Variants in RPS6KC1 observed in about 807,000 individuals in gnomAD.
RPS6KC1 encodes the protein inactive ribosomal protein S6 kinase delta-1.
Under a neutral mutation model 103.8 loss-of-function variants are expected in RPS6KC1, and 54 were observed. That is an observed-to-expected ratio of 0.52 (90% confidence interval 0.42 to 0.65). The LOEUF (loss-of-function observed/expected upper bound fraction) is 0.65. Ranked by LOEUF, RPS6KC1 falls within the 30% of genes least tolerant of loss-of-function variation. The pLI is 0.00. For synonymous variants in RPS6KC1, 439 were observed against 438.7 expected (o/e 1.00, Z -0.01); for missense variants, 1,151 against 1,253.8 (o/e 0.92, Z 1.24).
At chr1:213,504,789 C>G in the RPS6KC1 span, among the ~76,000 whole-genome samples, 6 of 152,084 alleles carry the variant, frequency 3.9e-5, no homozygotes, top group Admixed American at 6.5e-5. Flanking sequence ...TCCCCTCTCT[C>G]TGGAAGCTTC....
At chr1:213,747,943 C>T in the RPS6KC1 span, among the ~76,000 whole-genome samples, 1 of 152,188 alleles carries the variant, frequency 6.6e-6, no homozygotes, top group Non-Finnish European at 1.5e-5. Context: ...TTTTGGTGAG[C>T]TTTCATGGTT....
At chr1:213,454,866 AGGTCAACTCTGGCG>A in the RPS6KC1 span, among the ~76,000 whole-genome samples, 1 of 152,230 alleles carries the variant, frequency 6.6e-6, no homozygotes, top group Non-Finnish European at 1.5e-5. Context: ...CGGCAGAGCT[AGGTCAACTCTGGCG>A]GGGACCCATC....
the RPS6KC1 span, among the ~76,000 whole-genome samples, chr1:213,638,111 TC>T: frequency 6.6e-6 from 1 of 152,168 alleles, no homozygotes; most frequent in South Asian, 2.1e-4. Context: ...GAGCCACTGT[TC>T]CTGGCCTTAT....
At chr1:213,192,487 T>G (rs2092784328) in intron 8 of RPS6KC1, among the ~76,000 whole-genome samples, 1 of 152,216 alleles carries the variant, frequency 6.6e-6, no homozygotes, top group Non-Finnish European at 1.5e-5. Context: ...AATTCAGCAG[T>G]GAAGCCATTG....
chr1:213,661,139 C>T, the RPS6KC1 span, among the ~76,000 whole-genome samples: 6 of 152,272 alleles, frequency 3.9e-5, no homozygotes, highest in East Asian at 5.8e-4. Flanking sequence ...AAGCTGCCCC[C>T]TTTTTTTCTA....
the RPS6KC1 span, among the ~76,000 whole-genome samples, chr1:213,516,113 C>A: frequency 6.6e-6 from 1 of 152,192 alleles, no homozygotes; most frequent in Non-Finnish European, 1.5e-5. Context: ...TGCCTATCAG[C>A]TTAAGGAGAT....
chr1:213,122,311 T>C (rs1354383118), intron 5 of RPS6KC1, among the ~76,000 whole-genome samples: 1 of 152,154 alleles, frequency 6.6e-6, no homozygotes, highest in Non-Finnish European at 1.5e-5. Context: ...TGAATGGCGT[T>C]GATTATATTT....
chr1:213,452,335 GAA>G, the RPS6KC1 span, among the ~76,000 whole-genome samples: 2 of 135,222 alleles, frequency 1.5e-5, no homozygotes, highest in Non-Finnish European at 1.6e-5. Flanking sequence ...TCATAACTAG[GAA>G]AAAAAAAAAA....
the RPS6KC1 span, among the ~76,000 whole-genome samples, chr1:213,531,319 C>T: frequency 6.6e-6 from 1 of 152,248 alleles, no homozygotes; most frequent in East Asian, 1.9e-4. Flanking sequence ...CCTGAAACAC[C>T]TTTCCTATTT....
chr1:213,334,641 A>G, the RPS6KC1 span, among the ~76,000 whole-genome samples: 2 of 152,220 alleles, frequency 1.3e-5, no homozygotes, highest in South Asian at 2.1e-4. Flanking sequence ...CTGTGAACAC[A>G]TTGCAAGGGC....
At chr1:213,338,062 G>A in the RPS6KC1 span, among the ~76,000 whole-genome samples, 1 of 152,178 alleles carries the variant, frequency 6.6e-6, no homozygotes, top group African/African-American at 2.4e-5. Flanking sequence ...ACCAAGAGGA[G>A]TGAACTCTTC....
At chr1:213,501,055 T>A in the RPS6KC1 span, among the ~76,000 whole-genome samples, 1 of 152,010 alleles carries the variant, frequency 6.6e-6, no homozygotes, top group Non-Finnish European at 1.5e-5. Flanking sequence ...CAATAGTCTA[T>A]AGATTTAATT....
At chr1:213,285,532 G>T in the RPS6KC1 span, among the ~76,000 whole-genome samples, 5 of 152,164 alleles carry the variant, frequency 3.3e-5, no homozygotes, top group Admixed American at 6.5e-5. Flanking sequence ...GGACTAAGAA[G>T]GAGACAGCAC....
the RPS6KC1 span, among the ~76,000 whole-genome samples, chr1:213,608,712 A>C: frequency 6.6e-6 from 1 of 152,228 alleles, no homozygotes. Flanking sequence ...GTGATTTTCC[A>C]TCTTTTTAAT....
chr1:213,292,274 A>AAC, the RPS6KC1 span, among the ~76,000 whole-genome samples: 1 of 140,298 alleles, frequency 7.1e-6, no homozygotes, highest in African/African-American at 2.6e-5. Flanking sequence ...AATTAAATTA[A>AAC]AAAACAAAAC....
chr1:213,140,688 A>T (rs886748011), intron 6 of RPS6KC1, among the ~76,000 whole-genome samples: 1 of 152,184 alleles, frequency 6.6e-6, no homozygotes, highest in South Asian at 2.1e-4. Flanking sequence ...AATAAATCCT[A>T]CTTGAGCATG....
chr1:213,138,127 A>C (rs570421375), intron 6 of RPS6KC1, among the ~76,000 whole-genome samples: 2 of 152,180 alleles, frequency 1.3e-5, no homozygotes, highest in Middle Eastern at 6.8e-3. Context: ...TTGATTTCAG[A>C]ATGTTCAACA....
chr1:213,530,791 A>G, the RPS6KC1 span, among the ~76,000 whole-genome samples: 1 of 152,178 alleles, frequency 6.6e-6, no homozygotes, highest in Non-Finnish European at 1.5e-5. Context: ...GGCCTGTTTA[A>G]TTTGAGCTCC....
At chr1:213,521,995 A>G in the RPS6KC1 span, among the ~76,000 whole-genome samples, 1 of 152,250 alleles carries the variant, frequency 6.6e-6, no homozygotes, top group Admixed American at 6.5e-5. Flanking sequence ...AATGGCTTCT[A>G]GAATGATGAA....
Sources: allele counts gnomAD v4.1 joint callset (sites outside exome capture counted in the v4.1 genomes callset), GRCh38; gene constraint gnomAD v4.1.1; transcripts MANE v1.5; gene names NCBI Gene and HGNC (gene_info 2026-07-23, HGNC 2026-07-21).